SEMA5A: variants seen among roughly 807,000 people sequenced by gnomAD.
SEMA5A encodes semaphorin-5A.
Under a neutral mutation model 135.5 loss-of-function variants are expected in SEMA5A, and 55 were observed. The ratio of observed to expected loss-of-function variants is 0.41; its 90% CI spans 0.33 to 0.51. The LOEUF is 0.51. SEMA5A is among the 20% of genes least tolerant of loss of function. The pLI is 0.37. For synonymous variants in SEMA5A, 580 were observed against 546.5 expected (o/e 1.06, Z -0.85); for missense variants, 1,290 against 1,419.9 (o/e 0.91, Z 1.47).
At chr5:9,492,153 A>G (rs920623513) in intron 1 of SEMA5A, among the ~76,000 whole-genome samples, 3 of 152,200 alleles carry the variant, frequency 2.0e-5, no homozygotes, top group African/African-American at 7.2e-5. Flanking sequence ...TCGTATTTGG[A>G]TGAGGTAGGA....
Position 9,419,330 on chromosome 5 carries a change from A to C in SEMA5A, c.-78+18426T>G, listed in dbSNP as rs958094271. On this transcript the variant is annotated intron_variant, in intron 2 of 22. Coordinates refer to ENST00000382496, the MANE Select transcript of SEMA5A (RefSeq NM_003966.3). Reference sequence around the variant, plus strand: ...AGACAGTCTGTGTGCAGATGAGAAAAATGTATATTCTGCGGTTGTTGGGTG... The same window carrying C: ...AGACAGTCTGTGTGCAGATGAGAAACATGTATATTCTGCGGTTGTTGGGTG... 5.3e-5 allele frequency among the ~76,000 whole-genome samples: 8 copies of C among 152,248 alleles called. No homozygotes were observed. The South Asian group carries it at 1.0e-3, about 20-fold the overall frequency.
chr5:9,118,557 G>A (rs1740640350), intron 15 of SEMA5A, among the ~76,000 whole-genome samples: 1 of 152,140 alleles, frequency 6.6e-6, no homozygotes, highest in African/African-American at 2.4e-5. Flanking sequence ...CCTTCCAGAG[G>A]ATTAACTGAG....
At chr5:9,136,676 A>G in intron 12 of SEMA5A, 55 bp from the exon 13 acceptor site, 1 of 1,445,918 alleles carries the variant, frequency 6.9e-7, no homozygotes, top group South Asian at 1.1e-5. Flanking sequence ...ATGATAAGAT[A>G]CACAAGACAA....
chr5:9,314,856 C>A, intron 5 of SEMA5A, among the ~76,000 whole-genome samples: 1 of 152,082 alleles, frequency 6.6e-6, no homozygotes, highest in Middle Eastern at 3.2e-3. Context: ...ATTAGAGCCG[C>A]ATTTTTAAAA....
intron 16 of SEMA5A, among the ~76,000 whole-genome samples, chr5:9,088,228 C>A (rs1478983416): frequency 6.7e-6 from 1 of 149,088 alleles, no homozygotes; most frequent in Non-Finnish European, 1.5e-5. Context: ...CCCTTGAACC[C>A]AGGAGGCAGA....
intron 3 of SEMA5A, among the ~76,000 whole-genome samples, chr5:9,366,456 T>G (rs1754918400): frequency 6.6e-6 from 1 of 151,940 alleles, no homozygotes; most frequent in South Asian, 2.1e-4. Flanking sequence ...TGGTGCGATC[T>G]CGGCTCACTG....
intron 16 of SEMA5A, among the ~76,000 whole-genome samples, chr5:9,102,152 G>A (rs1010994320): frequency 3.9e-5 from 6 of 152,120 alleles, no homozygotes; most frequent in Non-Finnish European, 8.8e-5. Flanking sequence ...TTACAAACAA[G>A]CAAGCAGCCA....
chr5:9,343,202 T>C (rs1023654284), intron 3 of SEMA5A, among the ~76,000 whole-genome samples: 1 of 152,226 alleles, frequency 6.6e-6, no homozygotes, highest in African/African-American at 2.4e-5. Flanking sequence ...CCATTCATCA[T>C]TTTTTATTAC....
chr5:9,488,338 C>T (rs888625410), intron 1 of SEMA5A, among the ~76,000 whole-genome samples: 1 of 152,184 alleles, frequency 6.6e-6, no homozygotes, highest in Non-Finnish European at 1.5e-5. Context: ...ACTCCTAGAT[C>T]TCACCACTGG....
intron 12 of SEMA5A, among the ~76,000 whole-genome samples, chr5:9,153,877 C>G (rs1457788887): frequency 6.6e-6 from 1 of 150,856 alleles, no homozygotes; most frequent in Non-Finnish European, 1.5e-5. Flanking sequence ...GAAACCCTGT[C>G]TCTACTAAAA....
chr5:9,114,090 T>C (rs1217035791), intron 15 of SEMA5A, among the ~76,000 whole-genome samples: 1 of 152,218 alleles, frequency 6.6e-6, no homozygotes, highest in East Asian at 1.9e-4. Flanking sequence ...AAATGTGGTA[T>C]AGCCATACAA....
intron 5 of SEMA5A, among the ~76,000 whole-genome samples, chr5:9,276,670 C>A (rs981310624): frequency 1.3e-5 from 2 of 152,084 alleles, no homozygotes; most frequent in African/African-American, 4.8e-5. Context: ...CATTTACAAC[C>A]ATCTGATCTT....
intron 2 of SEMA5A, chr5:9,391,118 G>A (rs1266360716): frequency 6.6e-6 from 1 of 152,198 alleles, no homozygotes; most frequent in Non-Finnish European, 1.5e-5. Flanking sequence ...GAAGAAATAA[G>A]CTGATGATTT....
At chr5:9,319,647 C>G (rs890185861) in intron 4 of SEMA5A, among the ~76,000 whole-genome samples, 1 of 151,942 alleles carries the variant, frequency 6.6e-6, no homozygotes, top group African/African-American at 2.4e-5. Context: ...AGCCTAAGTG[C>G]AAATAATAAT....
At chr5:9,309,789 C>T (rs1039422951) in intron 5 of SEMA5A, among the ~76,000 whole-genome samples, 4 of 120,000 alleles carry the variant, frequency 3.3e-5, no homozygotes, top group African/African-American at 1.1e-4. Flanking sequence ...ATAAAATATA[C>T]ATAATCAACT....
At chr5:9,092,161 G>A (rs963030449) in intron 16 of SEMA5A, among the ~76,000 whole-genome samples, 1 of 152,182 alleles carries the variant, frequency 6.6e-6, no homozygotes, top group Non-Finnish European at 1.5e-5. Flanking sequence ...TCATACTCAT[G>A]GTTGTTCCAG....
chr5:9,087,023 T>C (rs995919644), intron 16 of SEMA5A, among the ~76,000 whole-genome samples: 1 of 151,882 alleles, frequency 6.6e-6, no homozygotes, highest in African/African-American at 2.4e-5. Context: ...TGGACTTCTC[T>C]CTACTTCCAT....
chr5:9,312,657 A>G (rs989667773), intron 5 of SEMA5A, among the ~76,000 whole-genome samples: 1 of 152,176 alleles, frequency 6.6e-6, no homozygotes, highest in East Asian at 1.9e-4. Flanking sequence ...GTAACAGAGT[A>G]CTTGTATCCC....
chr5:9,065,011 A>C (rs1363405520), intron 17 of SEMA5A, among the ~76,000 whole-genome samples: 1 of 152,218 alleles, frequency 6.6e-6, no homozygotes, highest in African/African-American at 2.4e-5. Flanking sequence ...AGAGTTTACA[A>C]AATTAAAAAG....
Sources: allele counts gnomAD v4.1 joint callset (sites outside exome capture counted in the v4.1 genomes callset), GRCh38; gene constraint gnomAD v4.1.1; transcripts MANE v1.5; gene names NCBI Gene and HGNC (gene_info 2026-07-23, HGNC 2026-07-21).